The following KDM4C variants were observed in gnomAD, a reference collection of about 807,000 sequenced individuals.
KDM4C encodes the protein lysine demethylase 4C.
Under a neutral mutation model 129.3 loss-of-function variants are expected in KDM4C, and 81 were observed. The observed-to-expected ratio is 0.63, with a 90% CI of 0.52 to 0.75. The LOEUF (loss-of-function observed/expected upper bound fraction) is 0.75. Among genes scored for constraint, KDM4C ranks in the 30% least tolerant of loss-of-function variants. The pLI is 0.00. For missense variants in KDM4C, 1,457 were observed against 1,304.0 expected (o/e 1.12, Z -1.81); for synonymous variants, 573 against 456.1 (o/e 1.26, Z -3.26).
rs34722839 is a variant in KDM4C at position 6,741,891 on chromosome 9, TACAC to T, written c.49+20910_49+20913del. Among the ~76,000 whole-genome samples the T allele has an allele frequency of 1.9e-3, 284 of 149,374 alleles. 2 individuals are homozygous for T. The highest frequency in any genetic ancestry group is 6.6e-3 in the African/African-American group (270 of 40,752). ...CCTGTTAAGCATTTTAAAATGTTGT[TACAC>T]ACACACACACACACAAATACAGTTT... On this transcript the variant is annotated intron_variant, in intron 1 of 17. Coordinates refer to the KDM4C transcript ENST00000536108.
chr9:7,066,040 C>T (rs546805184), intron 17 of KDM4C, among the ~76,000 whole-genome samples: 1 of 150,556 alleles, frequency 6.6e-6, no homozygotes, highest in South Asian at 2.1e-4. Flanking sequence ...AAAAATATTT[C>T]TGTCACAAAG....
intron 2 of KDM4C, among the ~76,000 whole-genome samples, chr9:6,799,123 G>A (rs1381615244): frequency 6.6e-6 from 1 of 152,070 alleles, no homozygotes; most frequent in African/African-American, 2.4e-5. Context: ...CCAGACGATG[G>A]GCGGCCAGGC....
chr9:7,009,496 C>T (rs1011799400), intron 12 of KDM4C, among the ~76,000 whole-genome samples: 2 of 151,424 alleles, frequency 1.3e-5, no homozygotes, highest in Non-Finnish European at 2.9e-5. Flanking sequence ...ATGCTTTTTT[C>T]CCCCCATCAA....
chr9:6,811,434 C>T (rs780026873), intron 3 of KDM4C, among the ~76,000 whole-genome samples: 2 of 152,098 alleles, frequency 1.3e-5, no homozygotes, highest in African/African-American at 4.8e-5. Context: ...TCTTTCCATT[C>T]ATCTGTTTTT....
At chr9:6,845,813 A>C (rs972292053) in intron 4 of KDM4C, among the ~76,000 whole-genome samples, 2 of 152,214 alleles carry the variant, frequency 1.3e-5, no homozygotes, top group African/African-American at 4.8e-5. Context: ...GTGCCTGCTG[A>C]ACATGTGTGG....
At chr9:6,994,108 T>A (rs1303144222) in intron 12 of KDM4C, among the ~76,000 whole-genome samples, 1 of 152,094 alleles carries the variant, frequency 6.6e-6, no homozygotes, top group Non-Finnish European at 1.5e-5. Flanking sequence ...ATAGGGAGTG[T>A]GCAACCTAGA....
Position 6,814,719 on chromosome 9 carries a change from G to C in KDM4C, c.409G>C (p.Asp137His). 1.2e-6 allele frequency: 2 copies of C among 1,604,610 alleles called. No individual in the cohort carries two copies. The highest frequency in any genetic ancestry group is 1.7e-6 in the Non-Finnish European group (2 of 1,172,362). The change falls in exon 4 of 22, where the codon GAT (aspartate) becomes CAT (histidine). Residue 137 changes from aspartate to histidine, a missense_variant. Coordinates refer to ENST00000381309, the MANE Select transcript of KDM4C (RefSeq NM_015061.6). ...TTTTGTGGCACCTATCTATGGTGCA[G>C]ATATTAATGGGAGCATATATGATGA... ...LTFVAPIYGA[D>H]INGSIYDEGV...
chr9:6,805,090 G>T (rs1829720005), intron 2 of KDM4C, among the ~76,000 whole-genome samples: 1 of 152,034 alleles, frequency 6.6e-6, no homozygotes, highest in African/African-American at 2.4e-5. Flanking sequence ...TAGTAGAGGC[G>T]GGGTTTCACC....
At position 6,842,338 on chromosome 9, in the gene KDM4C, A is replaced by G. The variant is rs1030543648; in HGVS notation, c.436-7169A>G. 1.8e-4 allele frequency among the ~76,000 whole-genome samples: 19 copies of G among 103,204 alleles called. 1 individual carries two copies. The East Asian group carries it at 3.7e-3, about 20-fold the overall frequency. The allele number at this position is 103,204 out of a possible 152,430, so 67.7% of individuals were successfully genotyped here. On this transcript the variant is annotated intron_variant, in intron 4 of 21. Coordinates refer to ENST00000381309, the MANE Select transcript of KDM4C (RefSeq NM_015061.6). ...TTTTTTTTTTTTTTTTTTTTTTGAG[A>G]CGGAGTCTTGCTCTGTCACCTAGGC...
chr9:6,854,525 CAAAAAAAAA>C (rs1177446839), intron 5 of KDM4C, among the ~76,000 whole-genome samples: 2 of 41,384 alleles, frequency 4.8e-5, no homozygotes, highest in Non-Finnish European at 9.0e-5. Flanking sequence ...AACTCCGTCT[CAAAAAAAAA>C]AAAAAAAAAA....
chr9:7,106,145 C>A (rs1023661617), intron 18 of KDM4C, among the ~76,000 whole-genome samples: 37 of 152,266 alleles, frequency 2.4e-4, no homozygotes, highest in Admixed American at 3.9e-4. Context: ...GGATTCCTCC[C>A]CAAAGTGTTT....
At chr9:6,944,652 G>GT (rs1158199897) in intron 8 of KDM4C, among the ~76,000 whole-genome samples, 3,026 of 80,830 alleles carry the variant, frequency 0.037, 201 homozygotes, top group African/African-American at 0.059. Flanking sequence ...CAAGGTAGAG[G>GT]TTTTTTTTTT....
At chr9:7,016,383 T>C (rs898358059) in intron 15 of KDM4C, among the ~76,000 whole-genome samples, 6 of 147,002 alleles carry the variant, frequency 4.1e-5, no homozygotes, top group African/African-American at 1.5e-4. Flanking sequence ...CGCCTCGGCC[T>C]CCCAAAGTGC....
intron 19 of KDM4C, among the ~76,000 whole-genome samples, chr9:7,134,990 C>T (rs183343388): frequency 5.1e-4 from 77 of 152,268 alleles, no homozygotes; most frequent in Admixed American, 5.0e-3. Flanking sequence ...AATTTTATTT[C>T]CTTTTGTGTA....
At chr9:6,978,347 T>A (rs1449793152) in intron 8 of KDM4C, among the ~76,000 whole-genome samples, 1 of 152,248 alleles carries the variant, frequency 6.6e-6, no homozygotes, top group Non-Finnish European at 1.5e-5. Flanking sequence ...TTTAAAGGTG[T>A]AATCTTTTTA....
At chr9:7,013,299 T>G (rs4742281) in intron 13 of KDM4C, among the ~76,000 whole-genome samples, 77,332 of 151,962 alleles carry the variant, frequency 0.51, 21,048 homozygotes, top group Non-Finnish European at 0.61. Context: ...CCTTTCTTAT[T>G]TAGTGACATG....
chr9:6,757,222 C>G (rs200684583), upstream of KDM4C, among the ~76,000 whole-genome samples: 27 of 152,250 alleles, frequency 1.8e-4, no homozygotes, highest in East Asian at 4.4e-3. Flanking sequence ...ACCTGCATTT[C>G]TAGTCACTTC....
chr9:7,071,531 TTTG>T (rs1833193350), intron 17 of KDM4C, among the ~76,000 whole-genome samples: 1 of 152,146 alleles, frequency 6.6e-6, no homozygotes, highest in South Asian at 2.1e-4. Flanking sequence ...AGGCAATTAG[TTTG>T]TTATTTAAGT....
chr9:6,779,032 C>CTTTTTTTTTTT (rs60503128), intron 1 of KDM4C, among the ~76,000 whole-genome samples: 14,418 of 93,300 alleles, frequency 0.15, 2,081 homozygotes, highest in South Asian at 0.25. Context: ...TGATTAAAGT[C>CTTTTTTTTTTT]TTTTTTTTTT....
Sources: gnomAD v4.1 joint callset for allele counts (sites outside exome capture counted in the v4.1 genomes callset) on GRCh38, gnomAD v4.1.1 for gene constraint, MANE v1.5 for transcripts, NCBI Gene and HGNC (gene_info 2026-07-23, HGNC 2026-07-21) for gene names.